SGCZ: variants seen among roughly 807,000 people sequenced by gnomAD.
SGCZ encodes the protein sarcoglycan zeta, also known as zeta-sarcoglycan.
A neutral mutation model predicts 41.3 loss-of-function variants in SGCZ; 40 were observed. The ratio of observed to expected loss-of-function variants is 0.97; its 90% CI spans 0.75 to 1.26. The LOEUF (loss-of-function observed/expected upper bound fraction) is 1.26, where lower values mean the gene tolerates loss of function less well. SGCZ is among the 50% of genes most tolerant of loss of function. The probability of loss-of-function intolerance (pLI) is 0.00; values close to 1 mark genes in which losing one functional copy is unlikely to be tolerated. For synonymous variants in SGCZ, 206 were observed against 137.5 expected (o/e 1.50, Z -3.49); for missense variants, 552 against 369.8 (o/e 1.49, Z -4.04).
At chr8:15,023,397 A>T (rs1301615962) in intron 1 of SGCZ, among the ~76,000 whole-genome samples, 3 of 152,156 alleles carry the variant, frequency 2.0e-5, no homozygotes, top group Non-Finnish European at 4.4e-5. Context: ...GTGGAAGACA[A>T]CAAGATGCAA....
At chr8:14,631,223 C>A (rs1585139479) in intron 1 of SGCZ, among the ~76,000 whole-genome samples, 1 of 151,908 alleles carries the variant, frequency 6.6e-6, no homozygotes, top group African/African-American at 2.4e-5. Context: ...ACCGATCAAA[C>A]ATGAAATGGT....
chr8:14,411,378 T>C lies in SGCZ; in HGVS notation c.235-87174A>G, dbSNP rs955579242. 2.0e-5 allele frequency among the ~76,000 whole-genome samples: 3 copies of C among 152,262 alleles called. No individual in the cohort carries two copies. The South Asian group carries it at 6.2e-4, about 31-fold the overall frequency. ...ATAAAACATATTAGTGTTCTGTTAC[T>C]TATGGAAATTCTTAAGGTCATGCCT... On this transcript the variant is annotated intron_variant, in intron 2 of 7. Transcript: ENST00000382080.
intron 2 of SGCZ, among the ~76,000 whole-genome samples, chr8:14,464,251 T>A (rs536050187): frequency 2.0e-5 from 3 of 151,012 alleles, no homozygotes; most frequent in South Asian, 4.1e-4. Context: ...ATCTGGGGCT[T>A]TTCTTTGTCA....
intron 4 of SGCZ, among the ~76,000 whole-genome samples, chr8:14,235,624 T>C (rs1035165421): frequency 3.3e-5 from 5 of 152,190 alleles, no homozygotes; most frequent in African/African-American, 4.8e-5. Flanking sequence ...CTTTGCTCTA[T>C]AGGCGGGCAT....
intron 1 of SGCZ, among the ~76,000 whole-genome samples, chr8:14,885,628 G>A (rs1804758129): frequency 6.6e-6 from 1 of 151,954 alleles, no homozygotes; most frequent in Admixed American, 6.6e-5. Context: ...CTTAAAGTCA[G>A]GAAAGGGACT....
At chr8:14,799,642 C>T (rs536013652) in intron 1 of SGCZ, among the ~76,000 whole-genome samples, 3 of 152,058 alleles carry the variant, frequency 2.0e-5, no homozygotes, top group Non-Finnish European at 4.4e-5. Flanking sequence ...CAGGACTTCA[C>T]CTACTAGGCA....
chr8:15,214,471 TA>T (rs1288734969), intron 1 of SGCZ, among the ~76,000 whole-genome samples: 1 of 152,164 alleles, frequency 6.6e-6, no homozygotes, highest in Non-Finnish European at 1.5e-5. Context: ...CATCCAACTT[TA>T]ATGTGTCTAT....
At chr8:14,482,845 C>G (rs541344526) in intron 2 of SGCZ, among the ~76,000 whole-genome samples, 1 of 152,030 alleles carries the variant, frequency 6.6e-6, no homozygotes, top group Non-Finnish European at 1.5e-5. Flanking sequence ...ATTGTCACTT[C>G]TCATTCTCAG....
At chr8:14,588,624 A>G (rs1378761092) in intron 1 of SGCZ, among the ~76,000 whole-genome samples, 3 of 152,154 alleles carry the variant, frequency 2.0e-5, no homozygotes, top group Non-Finnish European at 4.4e-5. Flanking sequence ...AGAAAAGAAA[A>G]GAGAAAATGG....
chr8:14,913,894 A>C (rs1360228304), intron 1 of SGCZ, among the ~76,000 whole-genome samples: 4 of 152,098 alleles, frequency 2.6e-5, no homozygotes, highest in Non-Finnish European at 5.9e-5. Context: ...AGAATGATAA[A>C]AGCAAAACTA....
At chr8:15,219,061 G>T (rs899262786) in intron 1 of SGCZ, among the ~76,000 whole-genome samples, 3 of 152,090 alleles carry the variant, frequency 2.0e-5, no homozygotes, top group African/African-American at 7.2e-5. Context: ...CACTCTCCAC[G>T]ATTAGGAAGA....
chr8:15,202,962 T>A (rs565123005), intron 1 of SGCZ, among the ~76,000 whole-genome samples: 71 of 152,016 alleles, frequency 4.7e-4, no homozygotes, highest in African/African-American at 1.6e-3. Flanking sequence ...ATCCAAAAAT[T>A]TTCCTGGCAT....
intron 2 of SGCZ, among the ~76,000 whole-genome samples, chr8:14,352,780 T>C (rs773499493): frequency 2.6e-5 from 4 of 152,104 alleles, no homozygotes; most frequent in Non-Finnish European, 4.4e-5. Context: ...TGTCCATTCA[T>C]GGCTCAGTCC....
chr8:14,097,906 G>A (rs1801893742), intron 7 of SGCZ, among the ~76,000 whole-genome samples: 2 of 152,050 alleles, frequency 1.3e-5, no homozygotes, highest in South Asian at 4.1e-4. Context: ...GACTAGGATT[G>A]CAACCCCTGC....
chr8:14,473,608 A>G (rs1801271941), intron 2 of SGCZ, among the ~76,000 whole-genome samples: 2 of 152,176 alleles, frequency 1.3e-5, no homozygotes, highest in Non-Finnish European at 2.9e-5. Context: ...TTCACAAATG[A>G]ATAGAACTGA....
At chr8:15,237,448 G>C in intron 1 of SGCZ, 137 bp downstream of exon 1, 1 of 1,029,030 alleles carries the variant, frequency 9.7e-7, no homozygotes. Flanking sequence ...GCGCCCGGGT[G>C]CGCGTCCCCC....
intron 1 of SGCZ, among the ~76,000 whole-genome samples, chr8:14,721,658 C>G (rs1446626477): frequency 6.6e-6 from 1 of 152,206 alleles, no homozygotes; most frequent in East Asian, 1.9e-4. Context: ...TATAATTTGT[C>G]ACCCTATTTC....
intron 1 of SGCZ, among the ~76,000 whole-genome samples, chr8:15,101,784 G>C (rs1806623645): frequency 6.6e-6 from 1 of 152,144 alleles, no homozygotes; most frequent in Non-Finnish European, 1.5e-5. Context: ...ATAAAAATTA[G>C]CTGGGCATGG....
At chr8:14,511,042 C>T (rs191361391) in intron 2 of SGCZ, among the ~76,000 whole-genome samples, 12 of 151,980 alleles carry the variant, frequency 7.9e-5, no homozygotes, top group African/African-American at 2.2e-4. Context: ...ATAAAATCAA[C>T]GAGCAAACAC....
Sources: gnomAD v4.1 joint callset for allele counts (sites outside exome capture counted in the v4.1 genomes callset) on GRCh38, gnomAD v4.1.1 for gene constraint, MANE v1.5 for transcripts, NCBI Gene and HGNC (gene_info 2026-07-23, HGNC 2026-07-21) for gene names.